The following LRBA variants were observed in gnomAD, a reference collection of about 807,000 sequenced individuals.
LRBA encodes lipopolysaccharide-responsive and beige-like anchor protein.
In LRBA, 176 loss-of-function variants were observed where a neutral mutation model predicts 330.0. The ratio of observed to expected loss-of-function variants is 0.53; its 90% CI spans 0.47 to 0.60. The LOEUF (loss-of-function observed/expected upper bound fraction) is 0.60. LRBA is among the 20% of genes least tolerant of loss of function. The pLI is 0.00. For missense variants in LRBA, 3,259 were observed against 3,444.8 expected (o/e 0.95, Z 1.35); for synonymous variants, 1,230 against 1,193.0 (o/e 1.03, Z -0.64).
At position 150,594,468 on chromosome 4, in the gene LRBA, C is replaced by G. The variant is rs868681632; in HGVS notation, c.6047-3609G>C. Reference sequence around the variant, plus strand: ...TTTTGATATCTTCTGTGAGCATATTCTACACACGTCTAAAAGTTAATTGGA... The same window carrying G: ...TTTTGATATCTTCTGTGAGCATATTGTACACACGTCTAAAAGTTAATTGGA... On this transcript the variant is annotated intron_variant, in intron 38 of 56. Coordinates refer to ENST00000651943, the MANE Select transcript of LRBA (RefSeq NM_001364905.1). Among the ~76,000 whole-genome samples, 28 of 152,090 alleles carry G rather than the reference C, an allele frequency of 1.8e-4. No individual in the cohort carries two copies. In the South Asian group the frequency reaches 3.9e-3, roughly 21 times the overall value.
chr4:150,785,774 CGGTAAAACA>C (rs1286919683), intron 34 of LRBA, among the ~76,000 whole-genome samples: 6 of 152,096 alleles, frequency 3.9e-5, no homozygotes, highest in African/African-American at 1.4e-4. Context: ...TTCTCAACTA[CGGTAAAACA>C]GGAGGTACGT....
chr4:150,290,003 T>C (rs1332056807), intron 53 of LRBA, among the ~76,000 whole-genome samples: 2 of 152,160 alleles, frequency 1.3e-5, no homozygotes, highest in Non-Finnish European at 2.9e-5. Flanking sequence ...GTAGTTACAC[T>C]GTATACATCA....
At chr4:150,898,835 G>T (rs538499616) in intron 14 of LRBA, among the ~76,000 whole-genome samples, 2 of 152,072 alleles carry the variant, frequency 1.3e-5, no homozygotes, top group Admixed American at 6.6e-5. Context: ...ATTCTGACCC[G>T]GTTCTGGATC....
At chr4:150,668,986 T>TA (rs1781813919) in intron 37 of LRBA, among the ~76,000 whole-genome samples, 1 of 152,136 alleles carries the variant, frequency 6.6e-6, no homozygotes, top group African/African-American at 2.4e-5. Context: ...TGCGCCCTGG[T>TA]CTTAAATCCC....
At chr4:150,922,921 T>C (rs571018861) in intron 4 of LRBA, among the ~76,000 whole-genome samples, 79 of 152,246 alleles carry the variant, frequency 5.2e-4, no homozygotes, top group African/African-American at 1.8e-3. Context: ...ATTTCCAAAG[T>C]CACATGGGTA....
intron 2 of LRBA, among the ~76,000 whole-genome samples, chr4:150,955,594 T>C (rs1287615662): frequency 6.8e-6 from 1 of 147,392 alleles, no homozygotes; most frequent in Non-Finnish European, 1.5e-5. Flanking sequence ...ATCTCAATAA[T>C]AATAATAATG....
intron 37 of LRBA, among the ~76,000 whole-genome samples, chr4:150,602,314 TCAAA>T (rs1216696723): frequency 3.9e-5 from 6 of 152,210 alleles, no homozygotes; most frequent in African/African-American, 1.4e-4. Context: ...AGACTTATAA[TCAAA>T]CAGTTAGCTA....
intron 37 of LRBA, among the ~76,000 whole-genome samples, chr4:150,613,472 T>C (rs1268404371): frequency 1.3e-5 from 2 of 152,132 alleles, no homozygotes; most frequent in African/African-American, 2.4e-5. Flanking sequence ...TAAGAAACAA[T>C]TGGGTATAAG....
chr4:150,769,298 G>A lies in LRBA; in HGVS notation c.5581-7451C>T, dbSNP rs137901976. Among the ~76,000 whole-genome samples the A allele has an allele frequency of 1.8e-4, 27 of 152,036 alleles. 1 individual carries two copies. In the East Asian group the frequency reaches 5.2e-3, roughly 29 times the overall value. ...TTAATCAGGATTCTTCAGAGACACA[G>A]AACGAATGGGAAGAGAGAGAGACAG... On this transcript the variant is annotated intron_variant, in intron 34 of 56. Coordinates refer to ENST00000651943, the MANE Select transcript of LRBA (RefSeq NM_001364905.1).
intron 40 of LRBA, among the ~76,000 whole-genome samples, chr4:150,510,470 T>C (rs1761700277): frequency 6.6e-6 from 1 of 152,250 alleles, no homozygotes. Context: ...GTCTTGAGAC[T>C]TACTGTGGAT....
intron 35 of LRBA, among the ~76,000 whole-genome samples, chr4:150,742,143 TA>T (rs1732075549): frequency 3.1e-5 from 1 of 32,668 alleles, no homozygotes; most frequent in African/African-American, 7.8e-5. Context: ...TTATTATTAT[TA>T]TTATTATTTT....
At chr4:150,807,321 C>G (rs924609896) in intron 32 of LRBA, among the ~76,000 whole-genome samples, 1 of 152,120 alleles carries the variant, frequency 6.6e-6, no homozygotes, top group African/African-American at 2.4e-5. Context: ...TCCTCACAGG[C>G]ACTGCTCTAA....
intron 2 of LRBA, among the ~76,000 whole-genome samples, chr4:150,953,236 G>A (rs1737055391): frequency 6.6e-6 from 1 of 152,106 alleles, no homozygotes; most frequent in African/African-American, 2.4e-5. Context: ...CAGAAGAGGT[G>A]AACAACACTA....
At chr4:150,873,343 C>A (rs1560945708) in intron 17 of LRBA, among the ~76,000 whole-genome samples, 2 of 152,160 alleles carry the variant, frequency 1.3e-5, no homozygotes, top group Admixed American at 6.5e-5. Flanking sequence ...GTAATCCCAG[C>A]AGTTTGGGAG....
chr4:150,592,913 C>T (rs939028591), intron 38 of LRBA, among the ~76,000 whole-genome samples: 2 of 151,918 alleles, frequency 1.3e-5, no homozygotes, highest in Non-Finnish European at 2.9e-5. Context: ...GGATTACAGG[C>T]GTAAGTCATC....
chr4:150,519,373 A>G (rs1305464607), intron 40 of LRBA, among the ~76,000 whole-genome samples: 1 of 152,136 alleles, frequency 6.6e-6, no homozygotes, highest in Non-Finnish European at 1.5e-5. Flanking sequence ...CTTCACTGTC[A>G]ACATCTCCTG....
chr4:150,506,047 T>G (rs1260900516), intron 40 of LRBA, among the ~76,000 whole-genome samples: 1 of 152,206 alleles, frequency 6.6e-6, no homozygotes, highest in Non-Finnish European at 1.5e-5. Flanking sequence ...AATCTCTGAA[T>G]AGACCAATAA....
At chr4:150,602,045 AC>A (rs1280618051) in intron 37 of LRBA, among the ~76,000 whole-genome samples, 1 of 45,570 alleles carries the variant, frequency 2.2e-5, no homozygotes, top group Middle Eastern at 0.016. Flanking sequence ...AGAATAAACG[AC>A]CTGTAATACC....
intron 37 of LRBA, among the ~76,000 whole-genome samples, chr4:150,651,487 C>T (rs921209879): frequency 1.3e-5 from 2 of 152,108 alleles, no homozygotes; most frequent in Middle Eastern, 3.4e-3. Context: ...AATCTTTAAG[C>T]GCTACCACAG....
Sources: allele counts gnomAD v4.1 joint callset (sites outside exome capture counted in the v4.1 genomes callset), GRCh38; gene constraint gnomAD v4.1.1; transcripts MANE v1.5; gene names NCBI Gene and HGNC (gene_info 2026-07-23, HGNC 2026-07-21).